The following SLC2A13 variants were observed in gnomAD, a reference collection of about 807,000 sequenced individuals.
SLC2A13 encodes the protein solute carrier family 2 member 13, also known as proton myo-inositol cotransporter.
In SLC2A13, 32 loss-of-function variants were observed where a neutral mutation model predicts 64.4. The ratio of observed to expected loss-of-function variants is 0.50; its 90% CI spans 0.37 to 0.67. The LOEUF (loss-of-function observed/expected upper bound fraction) is 0.67, where lower values mean the gene tolerates loss of function less well. SLC2A13 is among the 30% of genes least tolerant of loss of function. The pLI, the probability that SLC2A13 is intolerant of heterozygous loss-of-function variation, is 0.00. For synonymous variants in SLC2A13, 338 were observed against 327.1 expected, an observed-to-expected ratio of 1.03 and a Z score of -0.36; for missense variants, 743 against 829.2, an observed-to-expected ratio of 0.90 and a Z score of 1.28.
At chr12:40,052,803 A>G (rs1206520975) in intron 1 of SLC2A13, among the ~76,000 whole-genome samples, 4 of 152,084 alleles carry the variant, frequency 2.6e-5, no homozygotes, top group Non-Finnish European at 2.9e-5. Context: ...AACTACGGAA[A>G]TGGATAAGAT....
intron 7 of SLC2A13, among the ~76,000 whole-genome samples, chr12:39,814,038 T>C (rs1942268302): frequency 6.6e-6 from 1 of 152,226 alleles, no homozygotes; most frequent in South Asian, 2.1e-4. Flanking sequence ...TGTAAAACTA[T>C]AATCATATCT....
In SLC2A13 at chr12:39,993,958, A is replaced by G. The variant is rs528819872; in HGVS notation, c.925+34343T>C. Among the ~76,000 whole-genome samples, 11 of 152,350 alleles carry G rather than the reference A, an allele frequency of 7.2e-5. No homozygotes were observed. The South Asian group carries it at 2.1e-3, about 29-fold the overall frequency. On this transcript the variant is annotated intron_variant, in intron 3 of 9. Coordinates refer to ENST00000280871, the MANE Select transcript of SLC2A13 (RefSeq NM_052885.4). ...ACATACACAGATTTGTTTAATAATA[A>G]TAATAAAAATTCTCATCATTTAGCT... is the stretch of plus-strand genomic sequence containing the variant.
intron 1 of SLC2A13, among the ~76,000 whole-genome samples, chr12:40,068,825 CTCT>C (rs1937844766): frequency 1.3e-5 from 2 of 150,348 alleles, no homozygotes; most frequent in Non-Finnish European, 3.0e-5. Context: ...AATATGAGAT[CTCT>C]TGTTTTTTTT....
chr12:39,809,521 T>C, intron 7 of SLC2A13, among the ~76,000 whole-genome samples: 1 of 152,174 alleles, frequency 6.6e-6, no homozygotes, highest in African/African-American at 2.4e-5. Flanking sequence ...AAATTATTAT[T>C]ATACTTTAAG....
intron 1 of SLC2A13, among the ~76,000 whole-genome samples, chr12:40,093,625 TAAG>T (rs1938837650): frequency 2.6e-5 from 4 of 152,076 alleles, no homozygotes; most frequent in Admixed American, 2.6e-4. Flanking sequence ...AAGACCCCGC[TAAG>T]AAGAGATGCT....
intron 4 of SLC2A13, among the ~76,000 whole-genome samples, chr12:39,891,850 T>C (rs1342469206): frequency 6.6e-6 from 1 of 152,208 alleles, no homozygotes; most frequent in African/African-American, 2.4e-5. Context: ...CTATCTTTAC[T>C]GTGAAATAAC....
intron 3 of SLC2A13, among the ~76,000 whole-genome samples, chr12:39,971,684 T>C (rs909697295): frequency 5.3e-5 from 8 of 151,886 alleles, no homozygotes; most frequent in African/African-American, 1.7e-4. Flanking sequence ...CAAGAAAAAA[T>C]AAAAATGTGG....
Position 39,847,604 on chromosome 12 carries a change from A to G in SLC2A13, c.1319+17158T>C, listed in dbSNP as rs138919236. 5.5e-3 allele frequency among the ~76,000 whole-genome samples: 844 copies of G among 152,150 alleles called. 5 individuals are homozygous for G. The highest frequency in any genetic ancestry group is 7.9e-3 in the Non-Finnish European group (539 of 67,988). On this transcript the variant is annotated intron_variant, in intron 6 of 9. Transcript: ENST00000280871. Reference sequence around the variant, plus strand: ...TGGTGAACTTATGAAAGACATTTGTATGGGTACAGTAAAAGGATAGGAGCC... The same window carrying G: ...TGGTGAACTTATGAAAGACATTTGTGTGGGTACAGTAAAAGGATAGGAGCC...
At chr12:39,762,082 A>T (rs1410085581) in intron 9 of SLC2A13, among the ~76,000 whole-genome samples, 1 of 152,044 alleles carries the variant, frequency 6.6e-6, no homozygotes. Context: ...CCGTTTTACA[A>T]AATCTGAGGA....
At chr12:39,765,103 G>C (rs746705398) in intron 7 of SLC2A13, among the ~76,000 whole-genome samples, 2 of 152,010 alleles carry the variant, frequency 1.3e-5, no homozygotes, top group Non-Finnish European at 2.9e-5. Flanking sequence ...ACATAAATTA[G>C]ACATGATTTC....
intron 4 of SLC2A13, among the ~76,000 whole-genome samples, chr12:39,937,930 T>C (rs1203626288): frequency 1.3e-5 from 2 of 152,136 alleles, no homozygotes; most frequent in East Asian, 1.9e-4. Flanking sequence ...TACTATAACA[T>C]GTACAAGCTA....
chr12:39,927,364 G>C (rs985208281), intron 4 of SLC2A13, among the ~76,000 whole-genome samples: 2 of 152,114 alleles, frequency 1.3e-5, no homozygotes, highest in Admixed American at 1.3e-4. Flanking sequence ...GAAAATTGGT[G>C]AGTCATATGA....
At chr12:39,920,011 G>C (rs1294671728) in intron 4 of SLC2A13, among the ~76,000 whole-genome samples, 1 of 151,758 alleles carries the variant, frequency 6.6e-6, no homozygotes, top group African/African-American at 2.4e-5. Flanking sequence ...CTGTTACTTA[G>C]GAGTCCAGCT....
Position 39,864,836 on chromosome 12 carries a change from T to C in SLC2A13, c.1245A>G (p.Ser415=). The C allele has an allele frequency of 6.2e-7, 1 of 1,613,966 alleles. No individual in the cohort carries two copies. Among genetic ancestry groups the C allele is most frequent in the Non-Finnish European group, 8.5e-7 (1 of 1,179,948 alleles). ...AAGTGATGCGTGGGGAAACTTGGGC[T>C]GATAGCACAAATCCCAAGGCAAGAA... ...LIILALGFVL[S]AQVSPRITFK... is the part of the protein sequence containing the mutation. Residue 415 remains serine, a synonymous_variant, in exon 6 of 10, where the codon TCA becomes TCG. Coordinates refer to ENST00000280871, the MANE Select transcript of SLC2A13 (RefSeq NM_052885.4).
chr12:39,812,234 C>A (rs1329713484), intron 7 of SLC2A13, among the ~76,000 whole-genome samples: 1 of 152,066 alleles, frequency 6.6e-6, no homozygotes, highest in Non-Finnish European at 1.5e-5. Flanking sequence ...TCTGGGGCCC[C>A]TTTATAAAGG....
chr12:39,807,723 C>T (rs1942021912), intron 7 of SLC2A13, among the ~76,000 whole-genome samples: 1 of 152,066 alleles, frequency 6.6e-6, no homozygotes, highest in South Asian at 2.1e-4. Context: ...TCCATTTCTT[C>T]TAAGTGCACC....
chr12:39,950,709 A>C (rs1477404734), intron 4 of SLC2A13: 1 of 152,328 alleles, frequency 6.6e-6, no homozygotes, highest in African/African-American at 2.4e-5. Context: ...CAGCACACAT[A>C]CAGCTTTGGG....
intron 6 of SLC2A13, among the ~76,000 whole-genome samples, chr12:39,863,206 AGAT>A (rs1368312358): frequency 2.0e-5 from 3 of 152,188 alleles, no homozygotes; most frequent in Non-Finnish European, 2.9e-5. Context: ...AATATGAGTT[AGAT>A]GATAATACCT....
intron 4 of SLC2A13, chr12:39,907,505 A>T (rs1427240323): frequency 6.6e-6 from 1 of 152,144 alleles, no homozygotes; most frequent in Non-Finnish European, 1.5e-5. Flanking sequence ...CTCTATCAAA[A>T]CCATAATGTA....
Sources: gnomAD v4.1 joint callset for allele counts (sites outside exome capture counted in the v4.1 genomes callset) on GRCh38, gnomAD v4.1.1 for gene constraint, MANE v1.5 for transcripts, NCBI Gene and HGNC (gene_info 2026-07-23, HGNC 2026-07-21) for gene names.